TRIP12: variants seen among roughly 807,000 people sequenced by gnomAD.
TRIP12 encodes the protein thyroid hormone receptor interactor 12, also known as E3 ubiquitin-protein ligase TRIP12.
A neutral mutation model predicts 244.2 loss-of-function variants in TRIP12; 25 were observed. The observed-to-expected ratio is 0.10, with a 90% confidence interval of 0.07 to 0.14. TRIP12 has a LOEUF of 0.14. Among genes scored for constraint, TRIP12 ranks in the 10% least tolerant of loss-of-function variants. The probability of loss-of-function intolerance (pLI) is 1.00; values close to 1 mark genes in which losing one functional copy is unlikely to be tolerated. For synonymous variants in TRIP12, 905 were observed against 873.1 expected, an observed-to-expected ratio of 1.04 and a Z score of -0.64; for missense variants, 1,677 against 2,486.4, an observed-to-expected ratio of 0.67 and a Z score of 6.92.
chr2:229,859,654 A>G (rs1407725866), intron 3 of TRIP12, 80 bp from the exon 4 acceptor site: 1 of 1,437,780 alleles, frequency 7.0e-7, no homozygotes, highest in East Asian at 2.3e-5. Flanking sequence ...CAAAAAATAA[A>G]GTATGAATAT....
intron 29 of TRIP12, 46 bp from the exon 30 acceptor site, chr2:229,791,297 T>C (rs1440376089): frequency 1.2e-6 from 2 of 1,608,506 alleles, no homozygotes; most frequent in Admixed American, 3.4e-5. Flanking sequence ...ATTTTGAAAC[T>C]GATACAAAGC....
chr2:229,836,106 G>A (rs938743448), intron 6 of TRIP12, among the ~76,000 whole-genome samples: 6 of 152,096 alleles, frequency 3.9e-5, no homozygotes, highest in African/African-American at 7.2e-5. Flanking sequence ...AAATGACAAC[G>A]TATCCTAATA....
intron 9 of TRIP12, among the ~76,000 whole-genome samples, chr2:229,817,100 G>C (rs2048693710): frequency 6.6e-6 from 1 of 152,104 alleles, no homozygotes; most frequent in South Asian, 2.1e-4. Context: ...AGCAGAATAA[G>C]GATTGTCACC....
At chr2:229,820,480 A>AT (rs1442484848) in intron 8 of TRIP12, among the ~76,000 whole-genome samples, 1 of 151,714 alleles carries the variant, frequency 6.6e-6, no homozygotes, top group African/African-American at 2.4e-5. Flanking sequence ...ATACTCTTAA[A>AT]AACTACTGAG....
At chr2:229,804,381 T>C (rs746243127) in intron 18 of TRIP12, among the ~76,000 whole-genome samples, 154 bp from the exon 19 acceptor site, 6 of 152,204 alleles carry the variant, frequency 3.9e-5, no homozygotes, top group Admixed American at 2.0e-4. Context: ...TATGATCAAC[T>C]AGGATTTACA....
At position 229,851,823 on chromosome 2, in the gene TRIP12, C is replaced by T. The variant is rs182324210; in HGVS notation, c.1027+6949G>A. Among the ~76,000 whole-genome samples, 98 of 152,172 alleles carry T rather than the reference C, an allele frequency of 6.4e-4. No individual in the cohort carries two copies. The Middle Eastern group carries it at 0.01, about 16-fold the overall frequency. On this transcript the variant is annotated intron_variant, in intron 4 of 41. Coordinates refer to ENST00000675903, the MANE Select transcript of TRIP12 (RefSeq NM_001348323.3). ...AGAAGGAAGAAACTCCAAACACATC[C>T]GAACATCAGAAGGAACAAACTCCAG...
intron 2 of TRIP12, among the ~76,000 whole-genome samples, chr2:229,866,211 A>G (rs551337285): frequency 1.3e-5 from 2 of 152,322 alleles, no homozygotes; most frequent in African/African-American, 4.8e-5. Context: ...CAGTTCTTAC[A>G]TATTAAATTT....
At chr2:229,788,980 AAAT>A in intron 31 of TRIP12, 40 bp from the exon 32 acceptor site, 1 of 1,538,762 alleles carries the variant, frequency 6.5e-7, no homozygotes, top group Non-Finnish European at 8.8e-7. Flanking sequence ...ACATGTAGTA[AAAT>A]ATTAGGATTA....
At chr2:229,902,549 T>C (rs1324281471) in intron 1 of TRIP12, among the ~76,000 whole-genome samples, 1 of 152,202 alleles carries the variant, frequency 6.6e-6, no homozygotes, top group African/African-American at 2.4e-5. Flanking sequence ...TCAACTACTT[T>C]GAGAAGCTGC....
intron 6 of TRIP12, among the ~76,000 whole-genome samples, chr2:229,834,441 C>T (rs550090072): frequency 4.7e-4 from 71 of 152,314 alleles, no homozygotes; most frequent in African/African-American, 1.7e-3. Flanking sequence ...AAGGTCTGTA[C>T]AGTTCTGATT....
intron 4 of TRIP12, among the ~76,000 whole-genome samples, chr2:229,851,890 G>A (rs1485260934): frequency 2.6e-5 from 4 of 152,306 alleles, no homozygotes; most frequent in Non-Finnish European, 4.4e-5. Context: ...ATGAGGGTCC[G>A]CGGCTTCATT....
At chr2:229,873,303 C>T (rs997405271) in intron 2 of TRIP12, among the ~76,000 whole-genome samples, 3 of 152,188 alleles carry the variant, frequency 2.0e-5, no homozygotes, top group Non-Finnish European at 4.4e-5. Context: ...TTGGACCAAG[C>T]AGTTTCACTT....
intron 6 of TRIP12, among the ~76,000 whole-genome samples, chr2:229,836,343 G>T (rs2054814775): frequency 6.6e-6 from 1 of 152,116 alleles, no homozygotes; most frequent in Admixed American, 6.6e-5. Context: ...TTTTGGTACA[G>T]GTAATGGGTA....
chr2:229,862,115 G>A (rs931881425), intron 2 of TRIP12, among the ~76,000 whole-genome samples: 1 of 152,094 alleles, frequency 6.6e-6, no homozygotes, highest in Admixed American at 6.6e-5. Context: ...GGAGTGCAGC[G>A]ACACTATCTC....
chr2:229,797,707 C>G lies in TRIP12; in HGVS notation c.3607G>C (p.Glu1203Gln). ...NVLQRLCAAT[E>Q]QLNLQVDGGA... The stretch of plus-strand genomic sequence containing the variant: ...CACAGCACCTGGAGGTTGAGTTGTT[C>G]GGTTGCAGCACAAAGTCTCTGAAGG... The change falls in exon 24 of 42, where the codon GAA (glutamate) becomes CAA (glutamine). Residue 1203 changes from glutamate (E) to glutamine (Q), a missense_variant. By Grantham distance (29) the Glu-to-Gln change is conservative (BLOSUM62 2). Around this residue, in one of 11 missense-constraint regions of TRIP12, gnomAD observed 572 missense variants for 867.8 expected, o/e 0.66. Transcript: ENST00000675903. The G allele has an allele frequency of 6.2e-7, 1 of 1,613,442 alleles. No individual in the cohort carries two copies. Among genetic ancestry groups the G allele is most frequent in the Middle Eastern group, 1.6e-4 (1 of 6,062 alleles).
chr2:229,881,432 A>G (rs2064855475), intron 1 of TRIP12, among the ~76,000 whole-genome samples: 1 of 152,212 alleles, frequency 6.6e-6, no homozygotes, highest in East Asian at 1.9e-4. Context: ...ATGACATTAT[A>G]GAAACTGGTG....
At chr2:229,893,513 G>A (rs543635148) in intron 1 of TRIP12, among the ~76,000 whole-genome samples, 5 of 148,090 alleles carry the variant, frequency 3.4e-5, no homozygotes, top group African/African-American at 1.2e-4. Flanking sequence ...TTTTACCATT[G>A]TCTTGCCTAT....
At chr2:229,810,131 G>T (rs549772905) in intron 15 of TRIP12, among the ~76,000 whole-genome samples, 1 of 152,200 alleles carries the variant, frequency 6.6e-6, no homozygotes, top group Non-Finnish European at 1.5e-5. Flanking sequence ...AGGCCAAGGC[G>T]GGAGGAAGGC....
chr2:229,917,675 A>G (rs1343204503), intron 1 of TRIP12, among the ~76,000 whole-genome samples: 1 of 152,086 alleles, frequency 6.6e-6, no homozygotes, highest in African/African-American at 2.4e-5. Context: ...GGCCCTGATC[A>G]CTGAACCAAC....
Sources: allele counts gnomAD v4.1 joint callset (sites outside exome capture counted in the v4.1 genomes callset), GRCh38; gene constraint gnomAD v4.1.1; regional missense constraint gnomAD v4.1.1; transcripts MANE v1.5; gene names NCBI Gene and HGNC (gene_info 2026-07-23, HGNC 2026-07-21).